The following ZNF154 variants were observed in gnomAD, a reference collection of about 807,000 sequenced individuals.
ZNF154 encodes the protein zinc finger protein 154, also known as zinc finger protein 154 (pHZ-92).
ZNF154 carries 6 observed loss-of-function variants against 7.5 expected under a neutral mutation model. The observed-to-expected ratio is 0.80, with a 90% CI of 0.44 to 1.57. ZNF154 has a LOEUF of 1.57. ZNF154 is among the 40% of genes most tolerant of loss of function. ZNF154 has a pLI of 0.01. For synonymous variants in ZNF154, 187 were observed against 185.9 expected (o/e 1.01, Z -0.05); for missense variants, 485 against 531.4 (o/e 0.91, Z 0.86).
At chr19:57,704,782 G>C (rs988062652) in intron 2 of ZNF154, 71 bp downstream of exon 2, 7 of 1,558,858 alleles carry the variant, frequency 4.5e-6, no homozygotes, top group Non-Finnish European at 6.0e-6. Flanking sequence ...GAGAAGGACA[G>C]ACCTGCCTAT....
chr19:57,709,173 A>G lies in ZNF154; in HGVS notation c.-202T>C. On this transcript the variant is annotated 5_prime_UTR_variant, in exon 1 of 3. Transcript: ENST00000684351. ...CGCTCTGCTATCTCTGATCCGGTGA[A>G]CACACCTCAGAGAAGCTAAAATGGC... 1.5e-6 allele frequency: 1 copy of G among 656,154 alleles called. No homozygotes were observed. Among genetic ancestry groups the G allele is most frequent in the Non-Finnish European group, 2.6e-6 (1 of 383,294 alleles). 40.6% of individuals were successfully genotyped at this position (656,154 alleles called of 1,614,324 possible).
In ZNF154 at chr19:57,709,157, A is replaced by G. The variant is rs572379115; in HGVS notation, c.-186T>C. 1.2e-5 allele frequency: 9 copies of G among 731,570 alleles called. No individual in the cohort carries two copies. Among genetic ancestry groups the G allele is most frequent in the African/African-American group, 1.2e-4 (7 of 56,920 alleles). 45.3% of individuals were successfully genotyped at this position (731,570 alleles called of 1,614,324 possible). A position where few individuals can be genotyped will look rare whatever the true frequency, so the allele number is the denominator to read the frequency against. ...CGTGGCCCCAACTCGGCGCTCTGCT[A>G]TCTCTGATCCGGTGAACACACCTCA... On this transcript the variant is annotated 5_prime_UTR_variant, in exon 1 of 3. Coordinates refer to ENST00000684351, the MANE Select transcript of ZNF154 (RefSeq NM_001085384.3).
Position 57,699,430 on chromosome 19 carries a change from G to C in ZNF154, c.*2205C>G. 1 of 313,618 alleles carries C rather than the reference G, an allele frequency of 3.2e-6. No homozygotes were observed. The highest frequency in any genetic ancestry group is 2.7e-5 in the South Asian group (1 of 37,692). 19.4% of individuals were successfully genotyped at this position (313,618 alleles called of 1,614,324 possible). On this transcript the variant is annotated 3_prime_UTR_variant, in exon 3 of 3. Coordinates refer to ENST00000684351, the MANE Select transcript of ZNF154 (RefSeq NM_001085384.3). The stretch of plus-strand genomic sequence containing the variant: ...TCCCAATGGGTCGTAAAGCAGCAGA[G>C]ACAACTCACGATATAAACACATTTG...
In ZNF154 at chr19:57,702,074, T is replaced by C; in HGVS notation, c.875A>G (p.Gln292Arg). Reference protein sequence around the residue: ...FTYHSSLIKHQKVHSGSRPYE... With the variant: ...FTYHSSLIKHRKVHSGSRPYE... ...AGGCCTGGATCCACTGTGAACTTTC[T>C]GGTGTTTTATGAGACTGGAATGATA... The change falls in exon 3 of 3, where the codon CAG (glutamine) becomes CGG (arginine). Residue 292 changes from glutamine to arginine, a missense_variant. Physicochemically the swap from Gln to Arg is conservative, Grantham distance 43. Transcript: ENST00000684351. 6.2e-7 allele frequency: 1 copy of C among 1,613,048 alleles called. No individual in the cohort carries two copies. The highest frequency in any genetic ancestry group is 1.3e-5 in the African/African-American group (1 of 74,560).
In ZNF154 at chr19:57,702,250, AAT is replaced by A; in HGVS notation, c.697_698del (p.Ile233Ter). ...GKLFSNKSNL[I>X]KHRRVHTGER... ...CCCCAGTGTGAACTCTCCGATGTTTAATGAGGTTAGACTTGTTGCTAAATAAT... is the reference window on the plus strand; with the variant it reads ...CCCCAGTGTGAACTCTCCGATGTTTAGAGGTTAGACTTGTTGCTAAATAAT... On this transcript the variant is annotated frameshift_variant, in exon 3 of 3. Transcript: ENST00000684351. LOFTEE classifies it low-confidence loss of function (END_TRUNC). 1.2e-6 allele frequency: 2 copies of A among 1,614,194 alleles called. No individual in the cohort carries two copies.
chr19:57,706,479 ATCC>A (rs979036279), intron 1 of ZNF154, among the ~76,000 whole-genome samples: 3 of 152,232 alleles, frequency 2.0e-5, no homozygotes, highest in African/African-American at 7.2e-5. Context: ...ACCTGGCCTT[ATCC>A]TCCAGGTTGA....
At position 57,700,832 on chromosome 19, in the gene ZNF154, T is replaced by C. The variant is rs1422606959; in HGVS notation, c.*803A>G. 1 of 152,152 alleles carries C rather than the reference T, an allele frequency of 6.6e-6. No homozygotes were observed. Among genetic ancestry groups the C allele is most frequent in the Non-Finnish European group, 1.5e-5 (1 of 68,048 alleles). The allele number at this position is 152,152 out of a possible 1,614,324, so 9.4% of individuals were successfully genotyped here. A position where few individuals can be genotyped will look rare whatever the true frequency, so the allele number is the denominator to read the frequency against. On this transcript the variant is annotated 3_prime_UTR_variant, in exon 3 of 3. Transcript: ENST00000684351. ...GAGAGAGAGCTATATTCTGCCATCC[T>C]ACTGTCCCTGTCCCTGTCCCTGTTG...
Position 57,701,967 on chromosome 19 carries a change from G to C in ZNF154, c.982C>G (p.Pro328Ala). 1 of 1,612,948 alleles carries C rather than the reference G, an allele frequency of 6.2e-7. No individual in the cohort carries two copies. Among genetic ancestry groups the C allele is most frequent in the Non-Finnish European group, 8.5e-7 (1 of 1,179,848 alleles). The part of the protein sequence containing the change: ...EHHRVHTGER[P>A]YKCSECGKSF... ...TTCCCACATTCGCTGCACTTATAAGGCCTTTCTCCAGTGTGAACCCTATGG... is the reference window on the plus strand; with the variant it reads ...TTCCCACATTCGCTGCACTTATAAGCCCTTTCTCCAGTGTGAACCCTATGG... Residue 328 changes from proline to alanine, a missense_variant, in exon 3 of 3, where the codon CCT becomes GCT. Coordinates refer to ENST00000684351, the MANE Select transcript of ZNF154 (RefSeq NM_001085384.3).
Position 57,702,095 on chromosome 19 carries a change from T to A in ZNF154, c.854A>T (p.His285Leu). Residue 285 changes from histidine to leucine, a missense_variant, in exon 3 of 3, where the codon CAT (histidine) becomes CTT (leucine). His to Leu is a moderately conservative substitution (Grantham distance 99). Coordinates refer to ENST00000684351, the MANE Select transcript of ZNF154 (RefSeq NM_001085384.3). ...TTTCTGGTGTTTTATGAGACTGGAA[T>A]GATATGTAAAAAACTTCCCACATTC... ...CSECGKFFTY[H>L]SSLIKHQKVH... 1 of 1,608,880 alleles carries A rather than the reference T, an allele frequency of 6.2e-7. No individual in the cohort carries two copies. Among genetic ancestry groups the A allele is most frequent in the Non-Finnish European group, 8.5e-7 (1 of 1,179,094 alleles).
rs191712035 is a variant in ZNF154, at chr19:57,697,206, C to T, written c.*4429G>A. On this transcript the variant is annotated 3_prime_UTR_variant, in exon 3 of 3. Coordinates refer to ENST00000684351, the MANE Select transcript of ZNF154 (RefSeq NM_001085384.3). ...AATGCTTAATAAAAGCGTTTTCTGT[C>T]TCTACCTTCGTGGAGAGGATTTCTG... Among the ~76,000 whole-genome samples, 1 of 152,288 alleles carries T rather than the reference C, an allele frequency of 6.6e-6. No homozygotes were observed. The highest frequency in any genetic ancestry group is 1.5e-5 in the Non-Finnish European group (1 of 68,022).
At chr19:57,703,754 G>A (rs1237937910) in intron 2 of ZNF154, among the ~76,000 whole-genome samples, 1 of 152,100 alleles carries the variant, frequency 6.6e-6, no homozygotes, top group Non-Finnish European at 1.5e-5. Context: ...GCTCACACCT[G>A]TAATCCCAGC....
chr19:57,707,451 T>C (rs917996154), intron 1 of ZNF154, among the ~76,000 whole-genome samples: 1 of 152,178 alleles, frequency 6.6e-6, no homozygotes, highest in Non-Finnish European at 1.5e-5. Flanking sequence ...CTTTAAAAAT[T>C]TGCATCCAGA....
In ZNF154 at chr19:57,709,113, A is replaced by G. The variant is rs977189383; in HGVS notation, c.-142T>C. 1.8e-6 allele frequency: 2 copies of G among 1,134,018 alleles called. No individual in the cohort carries two copies. Among genetic ancestry groups the G allele is most frequent in the Admixed American group, 2.2e-5 (1 of 46,346 alleles). The allele number at this position is 1,134,018 out of a possible 1,614,324, so 70.2% of individuals were successfully genotyped here. A position where few individuals can be genotyped will look rare whatever the true frequency, so the allele number is the denominator to read the frequency against. The stretch of plus-strand genomic sequence containing the variant: ...TAGACGCTTTCGTGCAGGAGGGACG[A>G]CGACTCCCCTCACGCCTTCGTGGCC... On this transcript the variant is annotated 5_prime_UTR_variant, in exon 1 of 3. Transcript: ENST00000684351.
At position 57,701,361 on chromosome 19, in the gene ZNF154, A is replaced by G; in HGVS notation, c.*274T>C. Reference sequence around the variant, plus strand: ...TCTGACATGGGCCCTGGGCAGGGCAAAAGGTGCAATGCAGTTCACACATAC... The same window carrying G: ...TCTGACATGGGCCCTGGGCAGGGCAGAAGGTGCAATGCAGTTCACACATAC... On this transcript the variant is annotated 3_prime_UTR_variant, in exon 3 of 3. Transcript: ENST00000684351. The G allele has an allele frequency of 2.4e-6, 1 of 422,696 alleles. No homozygotes were observed. Among genetic ancestry groups the G allele is most frequent in the Non-Finnish European group, 4.3e-6 (1 of 232,642 alleles). 26.2% of individuals were successfully genotyped at this position (422,696 alleles called of 1,614,324 possible).
chr19:57,703,943 A>G (rs866888537), intron 2 of ZNF154, among the ~76,000 whole-genome samples: 17 of 152,276 alleles, frequency 1.1e-4, no homozygotes, highest in African/African-American at 3.1e-4. Context: ...TGGGAGGCAG[A>G]GGTTGCAGTA....
rs555951830 is a variant in ZNF154, at chr19:57,701,380, C to T, written c.*255G>A. 6.7e-5 allele frequency: 33 copies of T among 488,916 alleles called. No homozygotes were observed. In the South Asian group the frequency reaches 8.7e-4, roughly 13 times the overall value. The allele number at this position is 488,916 out of a possible 1,614,324, so 30.3% of individuals were successfully genotyped here. On this transcript the variant is annotated 3_prime_UTR_variant, in exon 3 of 3. Coordinates refer to ENST00000684351, the MANE Select transcript of ZNF154 (RefSeq NM_001085384.3). ...AGGGCAAAAGGTGCAATGCAGTTCA[C>T]ACATACCTGGAATTTATGCAGATGT...
Position 57,697,590 on chromosome 19 carries a change from G to T in ZNF154, c.*4045C>A, listed in dbSNP as rs1195203942. On this transcript the variant is annotated 3_prime_UTR_variant, in exon 3 of 3. Coordinates refer to ENST00000684351, the MANE Select transcript of ZNF154 (RefSeq NM_001085384.3). The stretch of plus-strand genomic sequence containing the variant: ...AATATTTACATTTTAAAATATATTT[G>T]TGTGATTTTTTGGGGGGTTATAAAA... 6.6e-6 allele frequency: 1 copy of T among 152,182 alleles called. No homozygotes were observed. Among genetic ancestry groups the T allele is most frequent in the South Asian group, 2.1e-4 (1 of 4,828 alleles). 9.4% of individuals were successfully genotyped at this position (152,182 alleles called of 1,614,324 possible).
chr19:57,703,241 A>G lies in ZNF154; in HGVS notation c.161-453T>C, dbSNP rs1216769716. ...GGTGGCTCACATCTGTAATCCCAGC[A>G]CTTTGGGAGTCCAAGGTGGGTGGAT... On this transcript the variant is annotated intron_variant, in intron 2 of 2. Transcript: ENST00000684351. 3.3e-5 allele frequency among the ~76,000 whole-genome samples: 5 copies of G among 152,104 alleles called. No homozygotes were observed. The East Asian group carries it at 9.6e-4, about 29-fold the overall frequency.
At position 57,702,367 on chromosome 19, in the gene ZNF154, A is replaced by G. The variant is rs752776981; in HGVS notation, c.582T>C (p.Cys194=). Reference sequence around the variant, plus strand: ...TAGAGCTTTGCCTAAAGGACTTCCCACACTCTCGACATTCATAAGGCTTTT... The same window carrying G: ...TAGAGCTTTGCCTAAAGGACTTCCCGCACTCTCGACATTCATAAGGCTTTT... ...TGEKPYECRE[C]GKSFRQSSSL... The change falls in exon 3 of 3, where the codon TGT becomes TGC. Residue 194 remains cysteine (C), a synonymous_variant. Coordinates refer to ENST00000684351, the MANE Select transcript of ZNF154 (RefSeq NM_001085384.3). 1 of 1,612,684 alleles carries G rather than the reference A, an allele frequency of 6.2e-7. No homozygotes were observed. The highest frequency in any genetic ancestry group is 1.1e-5 in the South Asian group (1 of 91,028).
Sources: gnomAD v4.1 joint callset for allele counts (sites outside exome capture counted in the v4.1 genomes callset) on GRCh38, gnomAD v4.1.1 for gene constraint, MANE v1.5 for transcripts, NCBI Gene and HGNC (gene_info 2026-07-23, HGNC 2026-07-21) for gene names.